WHRN: variants seen among roughly 807,000 people sequenced by gnomAD.
WHRN encodes the protein CASK-interacting protein CIP98.
A neutral mutation model predicts 68.3 loss-of-function variants in WHRN; 41 were observed. The observed-to-expected ratio is 0.60, with a 90% confidence interval of 0.47 to 0.78. The LOEUF is 0.78. Among genes scored for constraint, WHRN ranks in the 30% least tolerant of loss-of-function variants. The pLI is 0.00. For synonymous variants in WHRN, 560 were observed against 561.3 expected, an observed-to-expected ratio of 1.00 and a Z score of 0.03; for missense variants, 1,243 against 1,244.7, an observed-to-expected ratio of 1.00 and a Z score of 0.02.
rs1338412540 is a variant in WHRN at position 114,486,912 on chromosome 9, TGTGTGTGTGTGTAGA to T, written c.619-8156_619-8142del. ...TGTGTGTGTGTGTGTGTGTAGAGTG[TGTGTGTGTGTGTAGA>T]GTGTGTGTGTGTGTTGTGTGTGTGT... On this transcript the variant is annotated intron_variant, in intron 1 of 11. Transcript: ENST00000362057. 1.4e-4 allele frequency among the ~76,000 whole-genome samples: 16 copies of T among 110,812 alleles called. 2 individuals carry two copies. The highest frequency in any genetic ancestry group is 5.0e-4 in the African/African-American group (15 of 29,976). The allele number at this position is 110,812 out of a possible 152,430, so 72.7% of individuals were successfully genotyped here.
intron 2 of WHRN, among the ~76,000 whole-genome samples, chr9:114,471,815 C>T (rs1481264520): frequency 6.6e-6 from 1 of 152,208 alleles, no homozygotes; most frequent in East Asian, 1.9e-4. Context: ...GGGTAAGATT[C>T]CCCACTCTGA....
chr9:114,409,510 G>A (rs1197040639), intron 7 of WHRN, among the ~76,000 whole-genome samples: 1 of 152,184 alleles, frequency 6.6e-6, no homozygotes, highest in Non-Finnish European at 1.5e-5. Context: ...TAGGATGTTT[G>A]AGAACCCCCG....
chr9:114,501,759 C>T (rs549714616), intron 1 of WHRN, among the ~76,000 whole-genome samples: 14 of 152,280 alleles, frequency 9.2e-5, no homozygotes, highest in African/African-American at 2.6e-4. Context: ...TGAATGAAGT[C>T]TGAAGTCCAG....
chr9:114,479,710 G>A (rs1426957698), intron 1 of WHRN, among the ~76,000 whole-genome samples: 2 of 152,164 alleles, frequency 1.3e-5, no homozygotes, highest in African/African-American at 4.8e-5. Context: ...GGGGAAGGAG[G>A]ATCTCATTTG....
intron 7 of WHRN, among the ~76,000 whole-genome samples, chr9:114,411,426 GC>G (rs1246717245): frequency 6.6e-6 from 1 of 152,162 alleles, no homozygotes; most frequent in African/African-American, 2.4e-5. Context: ...TGGAGCCACT[GC>G]CCCCTGCCCC....
intron 2 of WHRN, among the ~76,000 whole-genome samples, chr9:114,470,004 C>T (rs1196865134): frequency 1.3e-5 from 2 of 152,190 alleles, no homozygotes; most frequent in African/African-American, 4.8e-5. Context: ...CTCCTGATTA[C>T]ATCTTGCAAG....
chr9:114,466,456 C>A, intron 2 of WHRN, 64 bp from the exon 3 acceptor site: 1 of 1,607,296 alleles, frequency 6.2e-7, no homozygotes, highest in South Asian at 1.1e-5. Context: ...GGACAGCAGG[C>A]TGCAAAGCCC....
At chr9:114,475,487 G>A (rs1243084920) in intron 2 of WHRN, among the ~76,000 whole-genome samples, 1 of 152,160 alleles carries the variant, frequency 6.6e-6, no homozygotes, top group Non-Finnish European at 1.5e-5. Context: ...CACAGAGAAG[G>A]ACACTCCTGA....
chr9:114,491,455 A>T (rs1842963717), intron 1 of WHRN: 1 of 135,100 alleles, frequency 7.4e-6, no homozygotes, highest in South Asian at 2.2e-4. Flanking sequence ...GTGTAAATAC[A>T]TGAACACACA....
chr9:114,498,473 C>A lies in WHRN; in HGVS notation c.618+5711G>T, dbSNP rs115552304. ...CCAAGGACAGAGGTCATGTCCTATT[C>A]ATCTCTGATGTCCAAGTATCAGCCA... On this transcript the variant is annotated intron_variant, in intron 1 of 11. Coordinates refer to ENST00000362057, the MANE Select transcript of WHRN (RefSeq NM_015404.4). 3.7e-3 allele frequency among the ~76,000 whole-genome samples: 560 copies of A among 152,242 alleles called. 3 individuals are homozygous for A. The highest frequency in any genetic ancestry group is 0.013 in the African/African-American group (523 of 41,532).
chr9:114,446,958 C>T (rs1265834916), intron 3 of WHRN, among the ~76,000 whole-genome samples: 1 of 151,936 alleles, frequency 6.6e-6, no homozygotes, highest in Non-Finnish European at 1.5e-5. Flanking sequence ...GCCCGCCTGT[C>T]CGTCCCTGAC....
chr9:114,487,808 C>T (rs552390313), intron 1 of WHRN, among the ~76,000 whole-genome samples: 1 of 152,270 alleles, frequency 6.6e-6, no homozygotes, highest in Admixed American at 6.5e-5. Flanking sequence ...CTACAGAGGA[C>T]CTGAATTCCC....
rs1415538246 is a variant in WHRN, at chr9:114,403,177, G to C, written c.2541+40C>G. On this transcript the variant is annotated intron_variant, in intron 11 of 11. Transcript: ENST00000362057. ...GAGATGCTGAGAAAGGGCCTTTCAG[G>C]GGTAGGGAGAGATGGCAAGTGGGGC... is the stretch of plus-strand genomic sequence containing the variant. The C allele has an allele frequency of 2.5e-6, 4 of 1,613,160 alleles. No homozygotes were observed. The African/African-American group carries it at 5.3e-5, about 21-fold the overall frequency.
chr9:114,426,822 C>T (rs1329691904), intron 3 of WHRN, among the ~76,000 whole-genome samples: 1 of 152,220 alleles, frequency 6.6e-6, no homozygotes, highest in African/African-American at 2.4e-5. Flanking sequence ...GAGGTTTTTA[C>T]CTCAACCATG....
chr9:114,504,814 G>C lies in WHRN; in HGVS notation c.-13C>G, dbSNP rs1844268857. 2 of 1,400,984 alleles carry C rather than the reference G, an allele frequency of 1.4e-6. No homozygotes were observed. Among genetic ancestry groups the C allele is most frequent in the Non-Finnish European group, 1.8e-6 (2 of 1,090,984 alleles). 86.8% of individuals were successfully genotyped at this position (1,400,984 alleles called of 1,614,324 possible). ...GCGGCGCGTTCATCTCCACGCCGAG[G>C]CCCGGCCGGGCTCTGAGCGCGCGGG... On this transcript the variant is annotated 5_prime_UTR_variant, in exon 1 of 12. Coordinates refer to ENST00000362057, the MANE Select transcript of WHRN (RefSeq NM_015404.4).
rs759109990 is a variant in WHRN, at chr9:114,426,211, C to A, written c.1166G>T (p.Gly389Val). 3.7e-6 allele frequency: 6 copies of A among 1,612,136 alleles called. No individual in the cohort carries two copies. The highest frequency in any genetic ancestry group is 2.2e-5 in the South Asian group (2 of 90,990). ...RIRETMANSA[G>V]FLGDLTTEGI... ...ATTGGAGCGAGCAGAGTGGCCAGAC[C>A]CTGCCGAGTTCGCCATGGTCTCCCT... Residue 389 changes from glycine (G) to valine (V), a missense_variant and splice_region_variant, in exon 4 of 12, where the codon GGG becomes GTG. Transcript: ENST00000362057.
intron 3 of WHRN, among the ~76,000 whole-genome samples, chr9:114,462,784 G>A (rs1589191912): frequency 6.6e-6 from 1 of 152,308 alleles, no homozygotes; most frequent in East Asian, 1.9e-4. Flanking sequence ...AAATTGGCGA[G>A]AAGAACATTC....
At chr9:114,419,960 C>A (rs573323406) in intron 7 of WHRN, among the ~76,000 whole-genome samples, 1 of 152,230 alleles carries the variant, frequency 6.6e-6, no homozygotes, top group Non-Finnish European at 1.5e-5. Context: ...ACGGGGGTGG[C>A]AGAAAAGGCC....
chr9:114,484,453 A>G lies in WHRN; in HGVS notation c.619-5682T>C, dbSNP rs548990722. Among the ~76,000 whole-genome samples the G allele has an allele frequency of 1.4e-4, 21 of 152,312 alleles. 1 individual carries two copies. Among genetic ancestry groups the G allele is most frequent in the Admixed American group, 1.3e-3 (20 of 15,300 alleles). On this transcript the variant is annotated intron_variant, in intron 1 of 11. Coordinates refer to ENST00000362057, the MANE Select transcript of WHRN (RefSeq NM_015404.4). ...TCTCTCCTGCAAAATGAAGATCACC[A>G]TTCTCCTTTCTCTTTACTTAGAGGA...
Sources: gnomAD v4.1 joint callset for allele counts (sites outside exome capture counted in the v4.1 genomes callset) on GRCh38, gnomAD v4.1.1 for gene constraint, MANE v1.5 for transcripts, NCBI Gene and HGNC (gene_info 2026-07-23, HGNC 2026-07-21) for gene names.